NTM: variants seen among roughly 807,000 people sequenced by gnomAD.
NTM encodes the protein IgLON family member 2.
A neutral mutation model predicts 42.1 loss-of-function variants in NTM; 13 were observed. The ratio of observed to expected loss-of-function variants is 0.31; its 90% CI spans 0.20 to 0.49. The LOEUF is 0.49. NTM is among the 20% of genes least tolerant of loss of function. The pLI, the probability that NTM is intolerant of heterozygous loss-of-function variation, is 0.99. For missense variants in NTM, 373 were observed against 452.8 expected (o/e 0.82, Z 1.60); for synonymous variants, 187 against 179.2 (o/e 1.04, Z -0.35).
chr11:132,256,316 T>A (rs1566592406), intron 4 of NTM, among the ~76,000 whole-genome samples: 1 of 152,218 alleles, frequency 6.6e-6, no homozygotes, highest in Non-Finnish European at 1.5e-5. Flanking sequence ...GCATCTGAAA[T>A]GAGCAACGCC....
intron 1 of NTM, among the ~76,000 whole-genome samples, chr11:131,497,339 C>A (rs113249705): frequency 6.6e-6 from 1 of 151,508 alleles, no homozygotes; most frequent in South Asian, 2.1e-4. Context: ...CAGGCTCCTG[C>A]CACCATGCCT....
intron 1 of NTM, among the ~76,000 whole-genome samples, chr11:131,886,171 C>T (rs10894472): frequency 0.36 from 55,129 of 152,002 alleles, 10,542 homozygotes; most frequent in East Asian, 0.5. Context: ...TTAATCCTGT[C>T]CAGTTCACTC....
At chr11:132,159,917 A>T (rs1275943071) in intron 3 of NTM, among the ~76,000 whole-genome samples, 1 of 152,220 alleles carries the variant, frequency 6.6e-6, no homozygotes, top group East Asian at 1.9e-4. Flanking sequence ...GAACTGTGTC[A>T]AATAGGTGAG....
intron 1 of NTM, among the ~76,000 whole-genome samples, chr11:131,517,742 T>C (rs1397823642): frequency 1.3e-5 from 2 of 152,206 alleles, no homozygotes; most frequent in African/African-American, 4.8e-5. Flanking sequence ...GTACCTGTAT[T>C]GACCTGCCTT....
chr11:131,932,438 A>G (rs2058729228), intron 2 of NTM, among the ~76,000 whole-genome samples: 1 of 152,218 alleles, frequency 6.6e-6, no homozygotes, highest in African/African-American at 2.4e-5. Flanking sequence ...ATTGCAATAT[A>G]TGCTTTTTTC....
chr11:131,920,244 G>A (rs1443078775), intron 2 of NTM, among the ~76,000 whole-genome samples: 2 of 152,186 alleles, frequency 1.3e-5, no homozygotes, highest in South Asian at 2.1e-4. Context: ...GGGATAACAT[G>A]TGTTGGGGAA....
intron 1 of NTM, among the ~76,000 whole-genome samples, chr11:131,692,344 C>T (rs1042612098): frequency 6.6e-6 from 1 of 151,852 alleles, no homozygotes; most frequent in African/African-American, 2.4e-5. Flanking sequence ...TGACACAGGG[C>T]TAGCCTATCT....
intron 2 of NTM, among the ~76,000 whole-genome samples, chr11:132,065,228 G>A (rs994961333): frequency 1.3e-5 from 2 of 152,220 alleles, no homozygotes; most frequent in Non-Finnish European, 2.9e-5. Context: ...GATGCCAAGT[G>A]TAGATGTCCT....
At chr11:131,697,753 T>A (rs1465299945) in intron 1 of NTM, among the ~76,000 whole-genome samples, 1 of 152,224 alleles carries the variant, frequency 6.6e-6, no homozygotes, top group African/African-American at 2.4e-5. Flanking sequence ...AATTCCTGCA[T>A]AGTCCCTCTT....
At chr11:131,404,239 C>A (rs1476269062) in intron 1 of NTM, among the ~76,000 whole-genome samples, 2 of 152,194 alleles carry the variant, frequency 1.3e-5, no homozygotes, top group African/African-American at 4.8e-5. Context: ...TAAAGCTACT[C>A]TCATCAAGGT....
chr11:132,042,954 C>T (rs1479714956), intron 2 of NTM, among the ~76,000 whole-genome samples: 1 of 152,016 alleles, frequency 6.6e-6, no homozygotes, highest in Non-Finnish European at 1.5e-5. Flanking sequence ...TATTTTAGAG[C>T]CATATTTCAT....
At chr11:132,076,113 T>C (rs891910353) in intron 2 of NTM, among the ~76,000 whole-genome samples, 1 of 152,248 alleles carries the variant, frequency 6.6e-6, no homozygotes, top group African/African-American at 2.4e-5. Context: ...GTCTTCCAAC[T>C]GTAACCTGTT....
rs549172547 is a variant in NTM, at chr11:132,225,999, G to T, written c.526+13852G>T. ...GTTCTTGTGTTTGTTTGCTGAGAAT[G>T]ATGGTTTCCAGCTTCATCCATGTCC... On this transcript the variant is annotated intron_variant, in intron 4 of 8. Transcript: ENST00000683400. Among the ~76,000 whole-genome samples the T allele has an allele frequency of 2.0e-5, 3 of 152,258 alleles. No homozygotes were observed. The East Asian group carries it at 5.8e-4, about 29-fold the overall frequency.
At chr11:132,098,870 C>T (rs2061332027) in intron 2 of NTM, among the ~76,000 whole-genome samples, 1 of 152,266 alleles carries the variant, frequency 6.6e-6, no homozygotes, top group Non-Finnish European at 1.5e-5. Flanking sequence ...AACCTGTATA[C>T]AGCAGCCCTG....
At chr11:131,439,027 T>G (rs1046032812) in intron 1 of NTM, among the ~76,000 whole-genome samples, 2 of 152,234 alleles carry the variant, frequency 1.3e-5, no homozygotes, top group African/African-American at 4.8e-5. Context: ...TTAGTTTTCC[T>G]TCTAACAGTG....
intron 1 of NTM, among the ~76,000 whole-genome samples, chr11:131,698,015 T>C (rs7130776): frequency 0.049 from 7,394 of 152,192 alleles, 634 homozygotes; most frequent in African/African-American, 0.17. Flanking sequence ...AATCCCAAAT[T>C]CACCTGCAGC....
intron 1 of NTM, among the ~76,000 whole-genome samples, chr11:131,677,727 A>C (rs777926935): frequency 2.0e-5 from 3 of 152,218 alleles, no homozygotes; most frequent in Non-Finnish European, 4.4e-5. Flanking sequence ...GCAGAGATAG[A>C]GTTTCAGAGA....
intron 1 of NTM, among the ~76,000 whole-genome samples, chr11:131,578,075 T>C (rs1289398740): frequency 6.6e-6 from 1 of 152,206 alleles, no homozygotes. Context: ...GGCTGTGTCC[T>C]GTATCATTAA....
At chr11:132,081,510 A>G (rs2059039236) in intron 2 of NTM, among the ~76,000 whole-genome samples, 1 of 152,134 alleles carries the variant, frequency 6.6e-6, no homozygotes, top group South Asian at 2.1e-4. Context: ...AGGTGGGTGG[A>G]TCACAAGGTC....
Sources: allele counts gnomAD v4.1 joint callset (sites outside exome capture counted in the v4.1 genomes callset), GRCh38; gene constraint gnomAD v4.1.1; transcripts MANE v1.5; gene names NCBI Gene and HGNC (gene_info 2026-07-23, HGNC 2026-07-21).